NFIA: variants seen among roughly 807,000 people sequenced by gnomAD.
NFIA encodes nuclear factor I A, also known as nuclear factor 1 A-type.
Under a neutral mutation model 62.8 loss-of-function variants are expected in NFIA, and 8 were observed. That is an observed-to-expected ratio of 0.13 (90% CI 0.07 to 0.23). NFIA has a LOEUF of 0.23. NFIA is among the 10% of genes least tolerant of loss of function. NFIA has a pLI of 1.00. For synonymous variants in NFIA, 235 were observed against 238.1 expected (o/e 0.99, Z 0.12); for missense variants, 410 against 642.1 (o/e 0.64, Z 3.91).
At chr1:61,296,825 G>A (rs1013164374) in intron 3 of NFIA, among the ~76,000 whole-genome samples, 1 of 152,090 alleles carries the variant, frequency 6.6e-6, no homozygotes, top group Admixed American at 6.6e-5. Context: ...AGACAAATAT[G>A]TTTCTCTTTT....
chr1:61,383,487 C>T (rs1664525745), intron 7 of NFIA, 122 bp downstream of exon 7: 1 of 1,270,052 alleles, frequency 7.9e-7, no homozygotes, highest in Non-Finnish European at 1.1e-6. Context: ...GTTCCAATTT[C>T]TTACCCTTGG....
rs1570495389 is a variant in NFIA at position 61,276,075 on chromosome 1, C to G, written c.560-1445C>G. Among the ~76,000 whole-genome samples, 4 of 152,208 alleles carry G rather than the reference C, an allele frequency of 2.6e-5. No homozygotes were observed. In the South Asian group the frequency reaches 8.3e-4, roughly 32 times the overall value. ...TGTTACAGAACGATAAAAGCTGTCA[C>G]TTTGCCAGACTCAAATAAAAATTCA... On this transcript the variant is annotated intron_variant, in intron 2 of 10. Transcript: ENST00000403491.
At chr1:61,219,748 G>A (rs1421876513) in intron 2 of NFIA, among the ~76,000 whole-genome samples, 1 of 149,518 alleles carries the variant, frequency 6.7e-6, no homozygotes, top group Non-Finnish European at 1.5e-5. Flanking sequence ...GGCGGATCAC[G>A]AGGTCAAAAG....
At chr1:61,396,826 C>G (rs1366158798) in intron 7 of NFIA, among the ~76,000 whole-genome samples, 1 of 151,792 alleles carries the variant, frequency 6.6e-6, no homozygotes. Flanking sequence ...GTGGTGAAAC[C>G]CCATCTCTAC....
intron 4 of NFIA, 132 bp downstream of exon 4, chr1:61,332,718 C>T (rs1661361881): frequency 1.5e-6 from 1 of 655,172 alleles, no homozygotes; most frequent in South Asian, 2.2e-5. Context: ...AATTTTGACA[C>T]ACAGTTTGTT....
chr1:61,279,944 G>A (rs1557679374), intron 3 of NFIA, among the ~76,000 whole-genome samples: 1 of 152,212 alleles, frequency 6.6e-6, no homozygotes, highest in South Asian at 2.1e-4. Flanking sequence ...ATCATTTTGG[G>A]GAAATCATGT....
At chr1:61,423,770 T>C (rs565007037) in intron 9 of NFIA, among the ~76,000 whole-genome samples, 1 of 152,296 alleles carries the variant, frequency 6.6e-6, no homozygotes, top group East Asian at 1.9e-4. Flanking sequence ...ATTCAACTTA[T>C]GTTATATCAT....
At chr1:61,172,745 T>G (rs1171235999) in intron 2 of NFIA, among the ~76,000 whole-genome samples, 1 of 152,206 alleles carries the variant, frequency 6.6e-6, no homozygotes, top group Non-Finnish European at 1.5e-5. Context: ...GAGTGCTGAT[T>G]TAATTTATTT....
chr1:61,406,829 AC>A, intron 9 of NFIA, 102 bp downstream of exon 9: 1 of 1,287,646 alleles, frequency 7.8e-7, no homozygotes, highest in African/African-American at 1.5e-5. Flanking sequence ...AGAAAGAGGC[AC>A]AGATCCCCAG....
At chr1:61,447,391 T>C (rs747976459) in intron 10 of NFIA, among the ~76,000 whole-genome samples, 12 of 152,192 alleles carry the variant, frequency 7.9e-5, no homozygotes, top group Non-Finnish European at 1.5e-4. Flanking sequence ...TCTTATGCGA[T>C]AGAAAGTGTG....
At chr1:61,129,990 A>G (rs1485275599) in intron 2 of NFIA, among the ~76,000 whole-genome samples, 1 of 152,078 alleles carries the variant, frequency 6.6e-6, no homozygotes, top group Non-Finnish European at 1.5e-5. Flanking sequence ...TAGGCAAGGA[A>G]ATTGACCCGG....
chr1:61,290,998 A>T (rs914705498), intron 3 of NFIA, among the ~76,000 whole-genome samples: 1 of 152,216 alleles, frequency 6.6e-6, no homozygotes, highest in Non-Finnish European at 1.5e-5. Flanking sequence ...TTTAGCAAAG[A>T]TGGTAAATTA....
At chr1:61,386,605 C>T (rs1056739813) in intron 7 of NFIA, among the ~76,000 whole-genome samples, 2 of 152,180 alleles carry the variant, frequency 1.3e-5, no homozygotes, top group African/African-American at 4.8e-5. Context: ...TACAGAGCTA[C>T]AGCAAATCAA....
chr1:61,254,928 A>G (rs1023095657), intron 2 of NFIA, among the ~76,000 whole-genome samples: 1 of 152,228 alleles, frequency 6.6e-6, no homozygotes, highest in African/African-American at 2.4e-5. Context: ...TATTATGTCA[A>G]CAACTGGCAT....
intron 2 of NFIA, among the ~76,000 whole-genome samples, chr1:61,125,433 A>C (rs1646951651): frequency 6.6e-6 from 1 of 152,220 alleles, no homozygotes; most frequent in Non-Finnish European, 1.5e-5. Context: ...GCTTTGATTA[A>C]AATATGCTGA....
intron 2 of NFIA, among the ~76,000 whole-genome samples, chr1:61,265,331 G>C (rs568297891): frequency 2.6e-5 from 4 of 152,172 alleles, no homozygotes; most frequent in African/African-American, 9.7e-5. Context: ...ATGTCAGGGA[G>C]AAAGCCATGG....
At chr1:61,345,365 CTG>C (rs1570613409) in intron 4 of NFIA, among the ~76,000 whole-genome samples, 1 of 152,188 alleles carries the variant, frequency 6.6e-6, no homozygotes, top group Non-Finnish European at 1.5e-5. Context: ...TGATGATCAA[CTG>C]TGTACACAAA....
In NFIA at chr1:61,115,916, G is replaced by A. The variant is rs183669729; in HGVS notation, c.559+27236G>A. On this transcript the variant is annotated intron_variant, in intron 2 of 10. Coordinates refer to ENST00000403491, the MANE Select transcript of NFIA (RefSeq NM_001134673.4). The stretch of plus-strand genomic sequence containing the variant: ...AAACTTTTGAAACTCTAAAAAGGTG[G>A]TGAAGACCACAGTTCTCCCTGTTCT... 3.9e-5 allele frequency among the ~76,000 whole-genome samples: 6 copies of A among 152,186 alleles called. No individual in the cohort carries two copies. The East Asian group carries it at 1.2e-3, about 29-fold the overall frequency.
intron 7 of NFIA, among the ~76,000 whole-genome samples, chr1:61,389,775 A>C (rs1368077813): frequency 6.6e-6 from 1 of 152,014 alleles, no homozygotes; most frequent in Admixed American, 6.6e-5. Flanking sequence ...CCATAAACAA[A>C]TCACTTAGCC....
Sources: gnomAD v4.1 joint callset for allele counts (sites outside exome capture counted in the v4.1 genomes callset) on GRCh38, gnomAD v4.1.1 for gene constraint, MANE v1.5 for transcripts, NCBI Gene and HGNC (gene_info 2026-07-23, HGNC 2026-07-21) for gene names.